The following ZNF469 variants were observed in gnomAD, a reference collection of about 807,000 sequenced individuals.
ZNF469 encodes the protein zinc finger protein 469.
ZNF469 carries 1 observed loss-of-function variant against 1.0 expected under a neutral mutation model. The observed-to-expected ratio is 1.00, with a 90% CI of 0.35 to 4.73. The LOEUF (loss-of-function observed/expected upper bound fraction) is 4.73. Ranked by LOEUF, ZNF469 falls within the 30% of genes most tolerant of loss-of-function variation. ZNF469 has a pLI of 0.16. For synonymous variants in ZNF469, 2,703 were observed against 2,363.4 expected (o/e 1.14, Z -4.17); for missense variants, 6,100 against 5,356.3 (o/e 1.14, Z -4.33).
At chr16:88,327,456 C>T in the ZNF469 span, among the ~76,000 whole-genome samples, 7 of 152,348 alleles carry the variant, frequency 4.6e-5, no homozygotes, top group East Asian at 7.7e-4. Context: ...CATCCCAGGG[C>T]GTAAGCATGG....
chr16:88,309,000 A>T, the ZNF469 span, among the ~76,000 whole-genome samples: 55 of 152,266 alleles, frequency 3.6e-4, no homozygotes, highest in African/African-American at 1.2e-3. Flanking sequence ...GCCACCGTGC[A>T]AAGGGCTCCC....
At chr16:88,316,404 C>T in the ZNF469 span, among the ~76,000 whole-genome samples, 3 of 152,146 alleles carry the variant, frequency 2.0e-5, no homozygotes, top group African/African-American at 7.2e-5. Context: ...CACTTCTCTG[C>T]CCTGGGAGTA....
the ZNF469 span, among the ~76,000 whole-genome samples, chr16:88,344,545 G>A: frequency 6.6e-6 from 1 of 152,250 alleles, no homozygotes; most frequent in Non-Finnish European, 1.5e-5. Context: ...GCTTCTGGCA[G>A]GGATGGGGTC....
At chr16:88,114,227 A>G in the ZNF469 span, among the ~76,000 whole-genome samples, 2 of 135,788 alleles carry the variant, frequency 1.5e-5, no homozygotes, top group Admixed American at 7.4e-5. Flanking sequence ...CTCCGGGGAG[A>G]ATGACAGGGA....
At chr16:88,202,846 G>C in the ZNF469 span, among the ~76,000 whole-genome samples, 1 of 152,206 alleles carries the variant, frequency 6.6e-6, no homozygotes, top group African/African-American at 2.4e-5. Flanking sequence ...AGGGAGGCCA[G>C]GTCAGGTCCC....
the ZNF469 span, among the ~76,000 whole-genome samples, chr16:88,138,990 C>T: frequency 5.3e-5 from 8 of 152,220 alleles, no homozygotes; most frequent in Non-Finnish European, 7.3e-5. Context: ...ACAGGGGGGA[C>T]CCTGTCCCAA....
chr16:88,140,450 G>A, the ZNF469 span, among the ~76,000 whole-genome samples: 5 of 151,784 alleles, frequency 3.3e-5, no homozygotes, highest in East Asian at 3.9e-4. Context: ...ACGGAGCCAC[G>A]TAGAAATCGG....
At chr16:88,383,616 C>T (rs1048641413) in intron 1 of ZNF469, among the ~76,000 whole-genome samples, 18 of 150,316 alleles carry the variant, frequency 1.2e-4, no homozygotes, top group African/African-American at 4.1e-4. Flanking sequence ...GGGAGCGGGA[C>T]CTCCGGGCGG....
chr16:88,295,780 C>G, the ZNF469 span, among the ~76,000 whole-genome samples: 25 of 152,308 alleles, frequency 1.6e-4, no homozygotes, highest in Non-Finnish European at 3.1e-4. Context: ...GAAGATCCCT[C>G]TCTCTGGAAC....
the ZNF469 span, among the ~76,000 whole-genome samples, chr16:88,108,642 T>C: frequency 1.3e-5 from 2 of 152,228 alleles, no homozygotes; most frequent in Non-Finnish European, 2.9e-5. Context: ...GTGACTTCCC[T>C]GAAAGCAGGT....
chr16:88,117,173 G>C, the ZNF469 span, among the ~76,000 whole-genome samples: 1 of 142,392 alleles, frequency 7.0e-6, no homozygotes, highest in South Asian at 2.3e-4. Context: ...AGAACTGGGG[G>C]CATGTGAGGG....
the ZNF469 span, among the ~76,000 whole-genome samples, chr16:88,359,509 A>C: frequency 6.6e-5 from 10 of 152,130 alleles, no homozygotes; most frequent in Admixed American, 5.2e-4. Context: ...TTTGATTTAC[A>C]TTTCACTGCT....
the ZNF469 span, among the ~76,000 whole-genome samples, chr16:88,151,267 C>T: frequency 1.5e-4 from 23 of 152,236 alleles, no homozygotes; most frequent in African/African-American, 4.3e-4. This position sits in a 1 kb window ranked among gnomAD's most constrained non-coding sequence, Gnocchi z 5.4. Context: ...TCAGCCGGGA[C>T]GACCCCAGAT....
the ZNF469 span, among the ~76,000 whole-genome samples, chr16:88,263,193 C>T: frequency 3.9e-5 from 6 of 152,308 alleles, no homozygotes; most frequent in Non-Finnish European, 7.4e-5. Context: ...GGTTCCCGGA[C>T]GATACTGCGT....
chr16:88,134,037 G>A, the ZNF469 span, among the ~76,000 whole-genome samples: 2 of 152,238 alleles, frequency 1.3e-5, no homozygotes, highest in Admixed American at 1.3e-4. Context: ...GGTGGAGGCT[G>A]CTGCGAGCTG....
chr16:88,418,907 A>G (rs4782357), intron 1 of ZNF469, among the ~76,000 whole-genome samples: 152,114 of 152,400 alleles, frequency 1, 75,914 homozygotes, highest in Middle Eastern at 1. Context: ...GCAGCGCTGC[A>G]GCCCCGTACG....
the ZNF469 span, among the ~76,000 whole-genome samples, chr16:88,162,952 C>T: frequency 1.4e-4 from 22 of 152,216 alleles, 1 homozygote; most frequent in East Asian, 2.1e-3. Context: ...GTTGGATGGA[C>T]GGATGGTTGG....
chr16:88,421,048 T>C (rs1034337350), intron 1 of ZNF469, among the ~76,000 whole-genome samples: 1 of 150,554 alleles, frequency 6.6e-6, no homozygotes, highest in African/African-American at 2.5e-5. Flanking sequence ...AGGGGCAGAT[T>C]GGGGAGAACC....
Position 88,432,938 on chromosome 16 carries a change from T to C in ZNF469, c.5468T>C (p.Phe1823Ser), listed in dbSNP as rs2142307934. The change falls in exon 3 of 3, where the codon TTT becomes TCT. Residue 1823 changes from phenylalanine (F) to serine (S), a missense_variant. By Grantham distance (155) the Phe-to-Ser change is radical. Coordinates refer to ENST00000565624, the MANE Select transcript of ZNF469 (RefSeq NM_001367624.2). The stretch of plus-strand genomic sequence containing the variant: ...CCACCTCTGGATGCCACCTGGCCTT[T>C]TGGTGCCAGTCCCAGCCATGCTGCC... ...GAPPLDATWP[F>S]GASPSHAAQG... The C allele has an allele frequency of 1.3e-6, 2 of 1,550,380 alleles. No individual in the cohort carries two copies. The highest frequency in any genetic ancestry group is 1.7e-6 in the Non-Finnish European group (2 of 1,146,960).
Sources: gnomAD v4.1 joint callset for allele counts (sites outside exome capture counted in the v4.1 genomes callset) on GRCh38, gnomAD v4.1.1 for gene constraint, Gnocchi (gnomAD v3.1) non-coding constraint, MANE v1.5 for transcripts, NCBI Gene and HGNC (gene_info 2026-07-23, HGNC 2026-07-21) for gene names.